AKAP8L: variants seen among roughly 807,000 people sequenced by gnomAD.
AKAP8L encodes A-kinase anchor protein 8-like.
AKAP8L carries 34 observed loss-of-function variants against 77.5 expected under a neutral mutation model. That is an observed-to-expected ratio of 0.44 (90% CI 0.33 to 0.58). AKAP8L has a LOEUF of 0.58. Among genes scored for constraint, AKAP8L ranks in the 20% least tolerant of loss-of-function variants. The pLI is 0.02. For synonymous variants in AKAP8L, 342 were observed against 340.7 expected, an observed-to-expected ratio of 1.00 and a Z score of -0.04; for missense variants, 806 against 887.6, an observed-to-expected ratio of 0.91 and a Z score of 1.17.
chr19:15,418,655 C>T (rs752562249), intron 1 of AKAP8L, among the ~76,000 whole-genome samples: 4 of 152,174 alleles, frequency 2.6e-5, no homozygotes, highest in Admixed American at 2.6e-4. Context: ...CGCTGAGGCC[C>T]GGACCCACGG....
chr19:15,398,008 G>A lies in AKAP8L; in HGVS notation c.1158-153C>T. ...CAGAGGGACAGGCTGGGACCAGTGG[G>A]GTCGGGAGTAGAAAGGGCCAGAAAG... On this transcript the variant is annotated intron_variant, in intron 9 of 13. Transcript: ENST00000397410. The surrounding 1 kb of genome is among the most constrained non-coding windows in gnomAD (Gnocchi z 9.2). 1 of 939,056 alleles carries A rather than the reference G, an allele frequency of 1.1e-6. No homozygotes were observed. The highest frequency in any genetic ancestry group is 1.6e-6 in the Non-Finnish European group (1 of 640,912). The allele number at this position is 939,056 out of a possible 1,614,324, so 58.2% of individuals were successfully genotyped here.
intron 12 of AKAP8L, chr19:15,381,252 T>C (rs1276778890): frequency 6.5e-6 from 1 of 152,886 alleles, no homozygotes; most frequent in African/African-American, 2.4e-5. Flanking sequence ...ACACTGATTG[T>C]AGTGGTGAAA....
chr19:15,398,542 C>A lies in AKAP8L; in HGVS notation c.1158-687G>T, dbSNP rs372585254. ...GGGCCTGGTGTCCACAGTAGAAGCC[C>A]GGGGTCTGGGGCCTGGGCCGGAGCA... On this transcript the variant is annotated intron_variant, in intron 9 of 13. Coordinates refer to ENST00000397410, the MANE Select transcript of AKAP8L (RefSeq NM_014371.4). This position sits in a 1 kb window ranked among gnomAD's most constrained non-coding sequence, Gnocchi z 9.2. 382 of 982,204 alleles carry A rather than the reference C, an allele frequency of 3.9e-4. 7 individuals carry two copies. In the African/African-American group the frequency reaches 6.3e-3, roughly 16 times the overall value. 60.8% of individuals were successfully genotyped at this position (982,204 alleles called of 1,614,324 possible). A position where few individuals can be genotyped will look rare whatever the true frequency, so the allele number is the denominator to read the frequency against.
chr19:15,412,728 G>A (rs960103656), intron 1 of AKAP8L, among the ~76,000 whole-genome samples: 6 of 152,318 alleles, frequency 3.9e-5, no homozygotes, highest in African/African-American at 1.4e-4. Context: ...ATTTTTAGTA[G>A]AGATGGGGTT....
At chr19:15,386,651 C>G (rs909604693) in intron 12 of AKAP8L, among the ~76,000 whole-genome samples, 1 of 152,086 alleles carries the variant, frequency 6.6e-6, no homozygotes, top group African/African-American at 2.4e-5. Flanking sequence ...CCAGGAGGAA[C>G]AGAATGTCAG....
chr19:15,407,496 A>G (rs140697847), intron 2 of AKAP8L, among the ~76,000 whole-genome samples: 1 of 152,356 alleles, frequency 6.6e-6, no homozygotes, highest in African/African-American at 2.4e-5. Context: ...CAAATCTACA[A>G]AAGAGCTACT....
chr19:15,415,072 T>C (rs538919614), intron 1 of AKAP8L, among the ~76,000 whole-genome samples: 1 of 152,314 alleles, frequency 6.6e-6, no homozygotes, highest in South Asian at 2.1e-4. Context: ...TTTGAGACCA[T>C]GGATTTCTAG....
intron 12 of AKAP8L, among the ~76,000 whole-genome samples, chr19:15,391,782 C>T (rs1967669009): frequency 6.6e-6 from 1 of 152,066 alleles, no homozygotes; most frequent in South Asian, 2.1e-4. Context: ...TCGTGATCTC[C>T]CGCCTCAGCC....
At chr19:15,388,622 T>G (rs2145112440) in intron 12 of AKAP8L, among the ~76,000 whole-genome samples, 1 of 152,218 alleles carries the variant, frequency 6.6e-6, no homozygotes, top group South Asian at 2.1e-4. Context: ...AACTTAAGAA[T>G]TAGTGAACTT....
chr19:15,392,875 A>T (rs1967690967), intron 12 of AKAP8L, among the ~76,000 whole-genome samples: 1 of 80,966 alleles, frequency 1.2e-5, no homozygotes, highest in East Asian at 4.8e-4. Flanking sequence ...CAGCCTGGGC[A>T]ACAAGAGCAA....
chr19:15,400,377 A>G lies in AKAP8L; in HGVS notation c.985-19T>C, dbSNP rs1967867835. ...CTCCGTCCTAACAATTTCAAATTCCAACTTTAAAACAGGTGCCTTTTTTTT... is the reference window on the plus strand; with the variant it reads ...CTCCGTCCTAACAATTTCAAATTCCGACTTTAAAACAGGTGCCTTTTTTTT... On this transcript the variant is annotated intron_variant, in intron 7 of 13. Coordinates refer to ENST00000397410, the MANE Select transcript of AKAP8L (RefSeq NM_014371.4). 2 of 1,578,560 alleles carry G rather than the reference A, an allele frequency of 1.3e-6. No individual in the cohort carries two copies. Among genetic ancestry groups the G allele is most frequent in the Non-Finnish European group, 1.7e-6 (2 of 1,169,698 alleles).
chr19:15,418,707 G>A (rs1303702681), intron 1 of AKAP8L, among the ~76,000 whole-genome samples: 1 of 152,244 alleles, frequency 6.6e-6, no homozygotes, highest in Non-Finnish European at 1.5e-5. Flanking sequence ...GCCGGGAGCC[G>A]GGACGCCGGC....
chr19:15,418,283 G>T (rs1003014008), intron 1 of AKAP8L, among the ~76,000 whole-genome samples: 5 of 152,218 alleles, frequency 3.3e-5, no homozygotes, highest in Admixed American at 2.6e-4. Context: ...ACCGGACACG[G>T]TTCATTTGAC....
At chr19:15,415,689 A>G (rs146213062) in intron 1 of AKAP8L, among the ~76,000 whole-genome samples, 4,906 of 152,162 alleles carry the variant, frequency 0.032, 116 homozygotes, top group Middle Eastern at 0.051. Context: ...GATCAAGACC[A>G]TCCTGGCTAA....
chr19:15,405,369 AC>A, intron 2 of AKAP8L, among the ~76,000 whole-genome samples: 1 of 152,082 alleles, frequency 6.6e-6, no homozygotes, highest in Admixed American at 6.6e-5. Context: ...CCCCTTCTCT[AC>A]CAAAAATACA....
chr19:15,380,090 G>A lies in AKAP8L; in HGVS notation c.*32C>T. On this transcript the variant is annotated 3_prime_UTR_variant, in exon 14 of 14. Transcript: ENST00000397410. ...TTATTAGGTTTGGTTTCCAGCTTCG[G>A]CCACGCGGGCTCCGCCCGCCCCGAG... 6.9e-7 allele frequency: 1 copy of A among 1,453,830 alleles called. No homozygotes were observed. The allele number at this position is 1,453,830 out of a possible 1,614,324, so 90.1% of individuals were successfully genotyped here.
intron 12 of AKAP8L, among the ~76,000 whole-genome samples, chr19:15,388,144 C>G (rs754529026): frequency 2.6e-5 from 4 of 151,980 alleles, no homozygotes; most frequent in Admixed American, 6.6e-5. Context: ...ATGGCTTCCT[C>G]CCTCCAAGAC....
intron 12 of AKAP8L, among the ~76,000 whole-genome samples, chr19:15,382,207 AT>A (rs762900125): frequency 0.024 from 2,810 of 119,440 alleles, 85 homozygotes; most frequent in African/African-American, 0.084. Flanking sequence ...TCACATTTAA[AT>A]TTTTTTTTTT....
At chr19:15,400,260 G>C in intron 8 of AKAP8L, 35 bp downstream of exon 8, 1 of 1,611,132 alleles carries the variant, frequency 6.2e-7, no homozygotes, top group Non-Finnish European at 8.5e-7. Flanking sequence ...CCCTGGAAGA[G>C]CCGCCCTAGC....
Sources: gnomAD v4.1 joint callset for allele counts (sites outside exome capture counted in the v4.1 genomes callset) on GRCh38, gnomAD v4.1.1 for gene constraint, Gnocchi (gnomAD v3.1) non-coding constraint, MANE v1.5 for transcripts, NCBI Gene and HGNC (gene_info 2026-07-23, HGNC 2026-07-21) for gene names.